DSCAM: variants seen among roughly 807,000 people sequenced by gnomAD.
The protein encoded by DSCAM is DS cell adhesion molecule, also known as cell adhesion molecule DSCAM.
A neutral mutation model predicts 217.7 loss-of-function variants in DSCAM; 47 were observed. That is an observed-to-expected ratio of 0.22 (90% CI 0.17 to 0.28). The LOEUF (loss-of-function observed/expected upper bound fraction) is 0.28. Among genes scored for constraint, DSCAM ranks in the 10% least tolerant of loss-of-function variants. The probability of loss-of-function intolerance (pLI) is 1.00; values close to 1 mark genes in which losing one functional copy is unlikely to be tolerated. For synonymous variants in DSCAM, 1,056 were observed against 1,015.3 expected, an observed-to-expected ratio of 1.04 and a Z score of -0.76; for missense variants, 2,080 against 2,618.3, an observed-to-expected ratio of 0.79 and a Z score of 4.49.
chr21:40,042,889 A>C (rs959323476), intron 31 of DSCAM, among the ~76,000 whole-genome samples: 1 of 152,156 alleles, frequency 6.6e-6, no homozygotes, highest in Non-Finnish European at 1.5e-5. Flanking sequence ...TTGCAACCAA[A>C]TTGCTGTAGT....
At chr21:40,540,457 T>C (rs2076534647) in intron 3 of DSCAM, among the ~76,000 whole-genome samples, 1 of 152,192 alleles carries the variant, frequency 6.6e-6, no homozygotes, top group Non-Finnish European at 1.5e-5. Context: ...CTCCTCACAC[T>C]GCGCTGTGAA....
At chr21:40,265,024 A>G (rs1443142538) in intron 11 of DSCAM, among the ~76,000 whole-genome samples, 1 of 150,758 alleles carries the variant, frequency 6.6e-6, no homozygotes, top group Non-Finnish European at 1.5e-5. Flanking sequence ...CCCCATTTAT[A>G]CTGAAAAAAA....
chr21:40,261,864 G>T (rs1411214742), intron 11 of DSCAM, among the ~76,000 whole-genome samples: 1 of 152,066 alleles, frequency 6.6e-6, no homozygotes, highest in Non-Finnish European at 1.5e-5. Context: ...ATATGTTGAA[G>T]CCCTAACCAA....
chr21:40,391,001 G>A (rs62223833), intron 3 of DSCAM, among the ~76,000 whole-genome samples: 2,085 of 152,202 alleles, frequency 0.014, 22 homozygotes, highest in South Asian at 0.037. Context: ...CTGTATCTAT[G>A]GTTCTTTGCA....
rs542088377 is a variant in DSCAM at position 40,048,326 on chromosome 21, G to T, written c.5185+3632C>A. On this transcript the variant is annotated intron_variant, in intron 30 of 32. Transcript: ENST00000400454. ...GATCTCAGAACTTGATGGCTGATTG[G>T]TATTTATCCACTACATGCCTGTGTC... Among the ~76,000 whole-genome samples, 23 of 146,672 alleles carry T rather than the reference G, an allele frequency of 1.6e-4. No individual in the cohort carries two copies. In the South Asian group the frequency reaches 5.0e-3, roughly 32 times the overall value.
rs186211523 is a variant in DSCAM, at chr21:40,425,037, G to A, written c.509-55792C>T. ...TGCTTGAACCTGGGGGGTGGAGGTT[G>A]CAGAGAGCCAAGATTGCACCACTGC... On this transcript the variant is annotated intron_variant, in intron 3 of 32. Transcript: ENST00000400454. 3.9e-5 allele frequency among the ~76,000 whole-genome samples: 6 copies of A among 152,246 alleles called. No homozygotes were observed. The East Asian group carries it at 9.7e-4, about 25-fold the overall frequency.
chr21:40,547,913 C>G (rs562980077), intron 3 of DSCAM, among the ~76,000 whole-genome samples: 2 of 152,306 alleles, frequency 1.3e-5, no homozygotes, highest in Admixed American at 1.3e-4. Context: ...ACAGACACTG[C>G]GCAGTGTCCC....
chr21:40,659,677 A>G (rs74543487), intron 3 of DSCAM, among the ~76,000 whole-genome samples: 1 of 67,772 alleles, frequency 1.5e-5, no homozygotes, highest in Non-Finnish European at 4.8e-5. Context: ...CTATCTGCCT[A>G]TCTGTCTATC....
intron 11 of DSCAM, among the ~76,000 whole-genome samples, chr21:40,246,348 C>A (rs2073223660): frequency 1.0e-5 from 1 of 97,678 alleles, no homozygotes; most frequent in African/African-American, 4.6e-5. Context: ...GAAACCCAGT[C>A]CGTACTAAAA....
At chr21:40,839,132 T>C (rs2092080087) in intron 1 of DSCAM, among the ~76,000 whole-genome samples, 1 of 152,216 alleles carries the variant, frequency 6.6e-6, no homozygotes, top group Non-Finnish European at 1.5e-5. Context: ...ATTTCATTTA[T>C]AAGAGCATGT....
chr21:40,559,846 G>A (rs1202972638), intron 3 of DSCAM, among the ~76,000 whole-genome samples: 1 of 140,950 alleles, frequency 7.1e-6, no homozygotes. Context: ...AGGCTGGAGT[G>A]CAGTGGCGCG....
At chr21:40,637,790 A>G (rs2089826510) in intron 3 of DSCAM, among the ~76,000 whole-genome samples, 1 of 149,716 alleles carries the variant, frequency 6.7e-6, no homozygotes, top group Non-Finnish European at 1.5e-5. Context: ...CTCCTGTCTC[A>G]GCCTCTCAAG....
intron 11 of DSCAM, among the ~76,000 whole-genome samples, chr21:40,269,345 T>G (rs1160322125): frequency 6.6e-6 from 1 of 152,196 alleles, no homozygotes; most frequent in Non-Finnish European, 1.5e-5. Flanking sequence ...ATTGTGCAAA[T>G]TCTGGTTGTC....
At chr21:40,469,602 T>G (rs2075871973) in intron 3 of DSCAM, among the ~76,000 whole-genome samples, 1 of 152,212 alleles carries the variant, frequency 6.6e-6, no homozygotes. Context: ...AATATTTACA[T>G]GATTATAATA....
intron 1 of DSCAM, among the ~76,000 whole-genome samples, chr21:40,753,661 C>T (rs1425804433): frequency 2.0e-4 from 31 of 152,162 alleles, no homozygotes; most frequent in Non-Finnish European, 1.5e-5. Flanking sequence ...TTTTAAACAA[C>T]CTTTAGATGA....
intron 11 of DSCAM, among the ~76,000 whole-genome samples, chr21:40,240,619 G>A (rs1260672436): frequency 2.6e-5 from 4 of 151,804 alleles, no homozygotes; most frequent in African/African-American, 4.8e-5. Flanking sequence ...CCCCATTCCC[G>A]TCCTTTCCTC....
chr21:40,461,092 A>G (rs1057417227), intron 3 of DSCAM, among the ~76,000 whole-genome samples: 1 of 152,202 alleles, frequency 6.6e-6, no homozygotes, highest in Non-Finnish European at 1.5e-5. Context: ...AAGTATATTC[A>G]TAAAATAGGA....
intron 3 of DSCAM, among the ~76,000 whole-genome samples, chr21:40,626,792 T>C (rs983410701): frequency 6.6e-6 from 1 of 152,148 alleles, no homozygotes; most frequent in African/African-American, 2.4e-5. Context: ...ATCAATCACA[T>C]AGTGGATGGT....
rs2075876516 is a variant in DSCAM, at chr21:40,470,185, G to C, written c.509-100940C>G. ...TTTTATTTCAAGTTTGGATGCAAAAGAAAAAAATTGTGTAACTTAATACAC... is the reference window on the plus strand; with the variant it reads ...TTTTATTTCAAGTTTGGATGCAAAACAAAAAAATTGTGTAACTTAATACAC... On this transcript the variant is annotated intron_variant, in intron 3 of 32. Transcript: ENST00000400454. 2.0e-5 allele frequency among the ~76,000 whole-genome samples: 3 copies of C among 152,074 alleles called. No homozygotes were observed. The South Asian group carries it at 6.2e-4, about 32-fold the overall frequency.
Sources: allele counts gnomAD v4.1 joint callset (sites outside exome capture counted in the v4.1 genomes callset), GRCh38; gene constraint gnomAD v4.1.1; transcripts MANE v1.5; gene names NCBI Gene and HGNC (gene_info 2026-07-23, HGNC 2026-07-21).